The following KCTD8 variants were observed in gnomAD, a reference collection of about 807,000 sequenced individuals.
KCTD8 encodes BTB/POZ domain-containing protein KCTD8.
In KCTD8, 27 loss-of-function variants were observed where a neutral mutation model predicts 31.5. The ratio of observed to expected loss-of-function variants is 0.86; its 90% CI spans 0.63 to 1.18. The LOEUF is 1.18. Among genes scored for constraint, KCTD8 ranks in the 50% most tolerant of loss-of-function variants. KCTD8 has a pLI of 0.00. For synonymous variants in KCTD8, 290 were observed against 280.0 expected (o/e 1.04, Z -0.36); for missense variants, 658 against 647.7 (o/e 1.02, Z -0.17).
chr4:44,182,750 TC>T (rs1000635610), intron 1 of KCTD8, among the ~76,000 whole-genome samples: 4 of 150,966 alleles, frequency 2.6e-5, no homozygotes, highest in African/African-American at 9.8e-5. Flanking sequence ...CCCTGCCAAA[TC>T]CCCCTCTGCA....
intron 1 of KCTD8, among the ~76,000 whole-genome samples, chr4:44,202,193 T>C (rs796585802): frequency 2.0e-4 from 31 of 152,274 alleles, no homozygotes; most frequent in African/African-American, 7.5e-4. Flanking sequence ...CTGTTGGCAG[T>C]AATGCATATT....
intron 1 of KCTD8, among the ~76,000 whole-genome samples, chr4:44,311,975 AAAG>A (rs1245089545): frequency 2.0e-5 from 3 of 151,894 alleles, no homozygotes; most frequent in African/African-American, 7.2e-5. Flanking sequence ...CATCAGAAAT[AAAG>A]AATCATAATT....
At chr4:44,354,973 G>A (rs1345438101) in intron 1 of KCTD8, among the ~76,000 whole-genome samples, 2 of 152,084 alleles carry the variant, frequency 1.3e-5, no homozygotes, top group East Asian at 3.9e-4. Flanking sequence ...ATGAATAAAT[G>A]CACAATAATT....
At chr4:44,358,143 A>G (rs545367044) in intron 1 of KCTD8, among the ~76,000 whole-genome samples, 1 of 150,780 alleles carries the variant, frequency 6.6e-6, no homozygotes, top group East Asian at 2.0e-4. Context: ...GAGAACATGC[A>G]GTGTTTGGTT....
chr4:44,186,226 A>G (rs1306013640), intron 1 of KCTD8, among the ~76,000 whole-genome samples: 1 of 152,216 alleles, frequency 6.6e-6, no homozygotes, highest in Non-Finnish European at 1.5e-5. Context: ...CCAGCAGGCC[A>G]TCAACTGGGG....
intron 1 of KCTD8, among the ~76,000 whole-genome samples, chr4:44,191,892 C>T (rs1241337519): frequency 6.6e-6 from 1 of 152,158 alleles, no homozygotes; most frequent in Non-Finnish European, 1.5e-5. Context: ...TCCCTTTTGC[C>T]ATTTGAAGCA....
chr4:44,254,152 T>G (rs1577576879), intron 1 of KCTD8, among the ~76,000 whole-genome samples: 1 of 151,912 alleles, frequency 6.6e-6, no homozygotes, highest in Non-Finnish European at 1.5e-5. Flanking sequence ...TTCTTTTAGC[T>G]GTGTACAAGA....
chr4:44,257,730 A>G (rs1716029389), intron 1 of KCTD8, among the ~76,000 whole-genome samples: 1 of 151,976 alleles, frequency 6.6e-6, no homozygotes, highest in African/African-American at 2.4e-5. Context: ...TTAGAGAGTA[A>G]AAGAATGAGG....
At chr4:44,252,270 T>C (rs1715864943) in intron 1 of KCTD8, among the ~76,000 whole-genome samples, 3 of 151,512 alleles carry the variant, frequency 2.0e-5, no homozygotes, top group Admixed American at 6.6e-5. Context: ...ACTCATTGAT[T>C]GATGGGCTAG....
chr4:44,265,678 CAATACAG>C (rs1285744986), intron 1 of KCTD8, among the ~76,000 whole-genome samples: 7 of 152,038 alleles, frequency 4.6e-5, no homozygotes, highest in Non-Finnish European at 8.8e-5. Context: ...CTAGAATAAC[CAATACAG>C]AGAAGTGCTT....
At chr4:44,193,854 G>T (rs2109335968) in intron 1 of KCTD8, among the ~76,000 whole-genome samples, 1 of 152,088 alleles carries the variant, frequency 6.6e-6, no homozygotes, top group South Asian at 2.1e-4. Flanking sequence ...CCAATAAAAA[G>T]GCTGTTTTAT....
rs574906109 is a variant in KCTD8, at chr4:44,358,368, C to T, written c.961+89195G>A. ...GCTGCAATAAACATACATGTGCATG[C>T]GTCTTTATAGTGGAATGATTTATAA... On this transcript the variant is annotated intron_variant, in intron 1 of 1. Transcript: ENST00000360029. Among the ~76,000 whole-genome samples the T allele has an allele frequency of 1.1e-3, 173 of 152,086 alleles. 2 individuals are homozygous for T. Among genetic ancestry groups the T allele is most frequent in the Middle Eastern group, 6.8e-3 (2 of 292 alleles).
At chr4:44,260,959 A>G (rs1716142990) in intron 1 of KCTD8, among the ~76,000 whole-genome samples, 2 of 152,024 alleles carry the variant, frequency 1.3e-5, no homozygotes, top group South Asian at 4.1e-4. Flanking sequence ...CTATTGAGTT[A>G]AAAAGATGTA....
chr4:44,290,598 C>T (rs974348766), intron 1 of KCTD8, among the ~76,000 whole-genome samples: 2 of 152,016 alleles, frequency 1.3e-5, no homozygotes, highest in Non-Finnish European at 2.9e-5. Context: ...AACTTGAAAC[C>T]ATATCAAGCA....
chr4:44,396,751 C>G (rs2109453670), intron 1 of KCTD8, among the ~76,000 whole-genome samples: 1 of 152,236 alleles, frequency 6.6e-6, no homozygotes, highest in Admixed American at 6.5e-5. Context: ...GAACCACCTT[C>G]TTAGTGTGCA....
At chr4:44,211,641 C>T (rs1446776462) in intron 1 of KCTD8, among the ~76,000 whole-genome samples, 2 of 152,044 alleles carry the variant, frequency 1.3e-5, no homozygotes, top group African/African-American at 4.8e-5. Context: ...CTAACTAATG[C>T]TTCCTGGTCG....
At chr4:44,199,228 T>G (rs1714055227) in intron 1 of KCTD8, among the ~76,000 whole-genome samples, 1 of 151,976 alleles carries the variant, frequency 6.6e-6, no homozygotes, top group Non-Finnish European at 1.5e-5. Context: ...ACTGATAGCT[T>G]TAGACAAATC....
At chr4:44,354,643 T>C (rs926967433) in intron 1 of KCTD8, among the ~76,000 whole-genome samples, 7 of 152,122 alleles carry the variant, frequency 4.6e-5, no homozygotes, top group African/African-American at 1.4e-4. Context: ...AATTATTTCA[T>C]TTGCACGAAT....
intron 1 of KCTD8, among the ~76,000 whole-genome samples, chr4:44,238,343 A>C (rs564060230): frequency 5.9e-4 from 90 of 152,132 alleles, no homozygotes; most frequent in African/African-American, 2.0e-3. Context: ...CTCTCTCTCT[A>C]TATAAACTTA....
Sources: allele counts gnomAD v4.1 joint callset (sites outside exome capture counted in the v4.1 genomes callset), GRCh38; gene constraint gnomAD v4.1.1; transcripts MANE v1.5; gene names NCBI Gene and HGNC (gene_info 2026-07-23, HGNC 2026-07-21).